Variants in ADGRV1 observed in about 807,000 individuals in gnomAD.
ADGRV1 encodes the protein adhesion G protein-coupled receptor V1, also known as G-protein coupled receptor 98.
ADGRV1 carries 359 observed loss-of-function variants against 596.2 expected under a neutral mutation model. The observed-to-expected ratio is 0.60, with a 90% CI of 0.55 to 0.66. The LOEUF is 0.66. Among genes scored for constraint, ADGRV1 ranks in the 30% least tolerant of loss-of-function variants. The pLI is 0.00. For missense variants in ADGRV1, 7,274 were observed against 7,575.6 expected (o/e 0.96, Z 1.48); for synonymous variants, 2,681 against 2,679.2 (o/e 1.00, Z -0.02).
intron 85 of ADGRV1, among the ~76,000 whole-genome samples, chr5:91,007,056 A>T (rs1181036408): frequency 6.6e-6 from 1 of 152,254 alleles, no homozygotes; most frequent in Non-Finnish European, 1.5e-5. Flanking sequence ...TCATTCCAAT[A>T]TACCCAATGC....
chr5:90,757,374 C>CA (rs1394135751), intron 57 of ADGRV1, among the ~76,000 whole-genome samples: 1 of 115,498 alleles, frequency 8.7e-6, no homozygotes, highest in African/African-American at 3.4e-5. Context: ...CTTTTCTGAA[C>CA]CCCCGCCCCA....
At chr5:91,049,714 A>C (rs567265949) in intron 85 of ADGRV1, among the ~76,000 whole-genome samples, 1 of 152,348 alleles carries the variant, frequency 6.6e-6, no homozygotes, top group African/African-American at 2.4e-5. Context: ...TCTCAGACAA[A>C]TATAAAGCTC....
Position 90,763,184 on chromosome 5 carries a change from T to A in ADGRV1, c.12121-121T>A, listed in dbSNP as rs881289. The A allele has an allele frequency of 0.59, 531,258 of 901,372 alleles. 160,656 individuals are homozygous for A. The highest frequency in any genetic ancestry group is 0.86 in the East Asian group (30,103 of 34,966). The allele number at this position is 901,372 out of a possible 1,614,324, so 55.8% of individuals were successfully genotyped here. A position where few individuals can be genotyped will look rare whatever the true frequency, so the allele number is the denominator to read the frequency against. On this transcript the variant is annotated intron_variant, in intron 58 of 89. Transcript: ENST00000405460. Reference sequence around the variant, plus strand: ...AAAAATTTTTCTGCCACATGATAATTACATGTAACATTCTAAATTATAAAA... The same window carrying A: ...AAAAATTTTTCTGCCACATGATAATAACATGTAACATTCTAAATTATAAAA...
intron 85 of ADGRV1, among the ~76,000 whole-genome samples, chr5:90,995,317 G>A (rs190924933): frequency 6.4e-4 from 98 of 152,208 alleles, no homozygotes; most frequent in African/African-American, 2.2e-3. Context: ...TGCAAGTTGG[G>A]ATTTTCTTTG....
chr5:90,741,923 T>C (rs1485619992), intron 50 of ADGRV1, among the ~76,000 whole-genome samples: 1 of 152,214 alleles, frequency 6.6e-6, no homozygotes, highest in South Asian at 2.1e-4. Flanking sequence ...ATATTTATTC[T>C]GGTTAATGAC....
chr5:90,993,361 A>G (rs1166184585), intron 85 of ADGRV1, among the ~76,000 whole-genome samples: 1 of 151,426 alleles, frequency 6.6e-6, no homozygotes, highest in African/African-American at 2.4e-5. Context: ...GTTTCACCAT[A>G]TTGGCCAGGC....
chr5:90,719,942 T>A, intron 43 of ADGRV1, 106 bp from the exon 44 acceptor site: 1 of 837,228 alleles, frequency 1.2e-6, no homozygotes, highest in South Asian at 1.6e-5. Context: ...GATGATATTT[T>A]TCAAAACATG....
chr5:90,775,819 G>A (rs1030155819), intron 60 of ADGRV1, among the ~76,000 whole-genome samples: 9 of 152,102 alleles, frequency 5.9e-5, no homozygotes, highest in African/African-American at 2.2e-4. Context: ...GCTGTGACAA[G>A]CCACTCTTGA....
intron 86 of ADGRV1, among the ~76,000 whole-genome samples, chr5:91,082,384 T>G (rs918758072): frequency 3.3e-5 from 5 of 152,140 alleles, no homozygotes; most frequent in African/African-American, 1.2e-4. Flanking sequence ...TGGAGTGCCG[T>G]GGCACAATCA....
chr5:90,949,743 T>C (rs1025367243), intron 83 of ADGRV1, among the ~76,000 whole-genome samples: 2 of 152,148 alleles, frequency 1.3e-5, no homozygotes, highest in African/African-American at 4.8e-5. Context: ...TGCTTTTGAA[T>C]GATAAGCCAG....
intron 21 of ADGRV1, 70 bp downstream of exon 21, chr5:90,658,348 T>G (rs1478866481): frequency 5.0e-6 from 7 of 1,398,452 alleles, no homozygotes; most frequent in Non-Finnish European, 6.7e-6. Flanking sequence ...GGACTCGGCT[T>G]TCTTTCATTT....
At chr5:90,737,847 A>G (rs1337926901) in intron 50 of ADGRV1, among the ~76,000 whole-genome samples, 1 of 151,678 alleles carries the variant, frequency 6.6e-6, no homozygotes, top group Non-Finnish European at 1.5e-5. Context: ...TGTAGGCAGC[A>G]TATGATTGGA....
intron 67 of ADGRV1, among the ~76,000 whole-genome samples, chr5:90,784,495 A>G (rs927901558): frequency 6.6e-6 from 1 of 152,158 alleles, no homozygotes; most frequent in African/African-American, 2.4e-5. Context: ...AAATTGGGAG[A>G]CACAATTGCG....
intron 83 of ADGRV1, among the ~76,000 whole-genome samples, chr5:90,866,968 T>C (rs1324587582): frequency 6.6e-6 from 1 of 152,164 alleles, no homozygotes; most frequent in Non-Finnish European, 1.5e-5. Flanking sequence ...TCAAGTATGA[T>C]GTGAAGAAAC....
At chr5:91,155,438 G>T (rs868241315) in intron 89 of ADGRV1, among the ~76,000 whole-genome samples, 1 of 152,120 alleles carries the variant, frequency 6.6e-6, no homozygotes, top group Non-Finnish European at 1.5e-5. Flanking sequence ...GTAGCTTGCC[G>T]GCACCATCAA....
rs1762332103 is a variant in ADGRV1 at position 90,810,410 on chromosome 5, G to A, written c.15150G>A (p.Lys5050=). Residue 5050 remains lysine, a synonymous_variant, in exon 74 of 90, where the codon AAG becomes AAA. Coordinates refer to ENST00000405460, the MANE Select transcript of ADGRV1 (RefSeq NM_032119.4). ...ATCAGACCACTGCAGGAAGCGCCAA[G>A]CCACTGGAAGATTTTGAGCCTGTTC... ...VSYQTTAGSA[K]PLEDFEPVQN... 1.9e-6 allele frequency: 3 copies of A among 1,613,926 alleles called. No individual in the cohort carries two copies. Among genetic ancestry groups the A allele is most frequent in the Non-Finnish European group, 2.5e-6 (3 of 1,179,848 alleles).
intron 1 of ADGRV1, among the ~76,000 whole-genome samples, chr5:90,591,402 AAT>A (rs1554054367): frequency 3.3e-5 from 5 of 151,754 alleles, no homozygotes; most frequent in East Asian, 1.9e-4. Context: ...TCTCAAAAAA[AAT>A]ATATATATAT....
At chr5:90,566,720 G>A (rs935186081) in intron 1 of ADGRV1, among the ~76,000 whole-genome samples, 12 of 151,748 alleles carry the variant, frequency 7.9e-5, no homozygotes, top group South Asian at 2.1e-4. Flanking sequence ...ATTTTTTTAT[G>A]TATGGTGTTT....
intron 83 of ADGRV1, among the ~76,000 whole-genome samples, chr5:90,963,667 G>GTCT (rs1778210561): frequency 6.6e-6 from 1 of 151,610 alleles, no homozygotes; most frequent in Non-Finnish European, 1.5e-5. Flanking sequence ...TGGAGTCTTG[G>GTCT]AGTAGAAAGG....
Sources: gnomAD v4.1 joint callset for allele counts (sites outside exome capture counted in the v4.1 genomes callset) on GRCh38, gnomAD v4.1.1 for gene constraint, MANE v1.5 for transcripts, NCBI Gene and HGNC (gene_info 2026-07-23, HGNC 2026-07-21) for gene names.